The following DGKB variants were observed in gnomAD, a reference collection of about 807,000 sequenced individuals.
DGKB encodes diacylglycerol kinase beta.
DGKB carries 67 observed loss-of-function variants against 114.3 expected under a neutral mutation model. The ratio of observed to expected loss-of-function variants is 0.59; its 90% CI spans 0.48 to 0.72. DGKB has a LOEUF of 0.72. Ranked by LOEUF, DGKB falls within the 30% of genes least tolerant of loss-of-function variation. The pLI, the probability that DGKB is intolerant of heterozygous loss-of-function variation, is 0.00. For missense variants in DGKB, 907 were observed against 975.2 expected, an observed-to-expected ratio of 0.93 and a Z score of 0.93; for synonymous variants, 398 against 323.1, an observed-to-expected ratio of 1.23 and a Z score of -2.49.
At chr7:14,327,492 G>T (rs1176359716) in intron 23 of DGKB, among the ~76,000 whole-genome samples, 2 of 151,800 alleles carry the variant, frequency 1.3e-5, no homozygotes, top group Non-Finnish European at 2.9e-5. Context: ...ACTCAAAATA[G>T]CACTGTTAAT....
chr7:14,664,104 A>C (rs1817622730), intron 13 of DGKB, among the ~76,000 whole-genome samples: 1 of 152,038 alleles, frequency 6.6e-6, no homozygotes, highest in Non-Finnish European at 1.5e-5. Context: ...GATGGTTTTA[A>C]GGATAATATC....
intron 1 of DGKB, among the ~76,000 whole-genome samples, chr7:14,886,147 A>C (rs2128219935): frequency 6.6e-6 from 1 of 152,060 alleles, no homozygotes; most frequent in East Asian, 1.9e-4. Context: ...TAGTACGGGC[A>C]GAAATTGAAA....
chr7:14,439,865 C>CAAAA (rs756256822), intron 21 of DGKB, among the ~76,000 whole-genome samples: 2 of 104,056 alleles, frequency 1.9e-5, no homozygotes, highest in African/African-American at 7.3e-5. Flanking sequence ...ACTCTGTTTC[C>CAAAA]AAAAAAAAAA....
At chr7:14,224,403 C>T (rs1307711651) in intron 23 of DGKB, among the ~76,000 whole-genome samples, 3 of 151,784 alleles carry the variant, frequency 2.0e-5, no homozygotes, top group Admixed American at 2.0e-4. Flanking sequence ...TTATCATTCT[C>T]TTCTTTACTT....
chr7:14,354,842 T>C (rs1280104964), intron 21 of DGKB, among the ~76,000 whole-genome samples: 2 of 152,176 alleles, frequency 1.3e-5, no homozygotes, highest in Non-Finnish European at 2.9e-5. Flanking sequence ...TTAAGTGGTA[T>C]ATAAATTTTA....
chr7:14,887,128 AT>A (rs1421513762), intron 1 of DGKB, among the ~76,000 whole-genome samples: 1 of 151,776 alleles, frequency 6.6e-6, no homozygotes, highest in Non-Finnish European at 1.5e-5. Context: ...TGGTTATTAT[AT>A]ATGTTTTCTC....
rs1554599156 is a variant in DGKB at position 14,689,208 on chromosome 7, T to TTTTTTTTTA, written c.712-3847_712-3846insTAAAAAAAA. On this transcript the variant is annotated intron_variant, in intron 9 of 25. Transcript: ENST00000402815. ...GACAGAAACTCCTCTTATTTTTTTTTTTTTTTTTTTTTTTTTGAGAGGAGT... is the reference window on the plus strand; with the variant it reads ...GACAGAAACTCCTCTTATTTTTTTTTTTTTTTTTATTTTTTTTTTTTTTTTGAGAGGAGT... Among the ~76,000 whole-genome samples the TTTTTTTTTA allele has an allele frequency of 1.4e-3, 150 of 109,842 alleles. 3 individuals carry two copies. In the East Asian group the frequency reaches 0.016, roughly 12 times the overall value. 72.1% of individuals were successfully genotyped at this position (109,842 alleles called of 152,430 possible). A position where few individuals can be genotyped will look rare whatever the true frequency, so the allele number is the denominator to read the frequency against.
intron 21 of DGKB, among the ~76,000 whole-genome samples, chr7:14,370,260 T>A (rs1359274507): frequency 1.3e-5 from 2 of 152,184 alleles, no homozygotes; most frequent in Non-Finnish European, 2.9e-5. Flanking sequence ...TGGTTGTAGA[T>A]GTGTGGCATT....
intron 2 of DGKB, among the ~76,000 whole-genome samples, chr7:14,815,419 TG>T (rs1219106267): frequency 1.3e-5 from 2 of 152,256 alleles, no homozygotes; most frequent in Non-Finnish European, 1.5e-5. Context: ...GGATATCTTT[TG>T]GCAAATCCAT....
chr7:14,611,624 C>T (rs111303450), intron 16 of DGKB, among the ~76,000 whole-genome samples: 58 of 151,966 alleles, frequency 3.8e-4, no homozygotes, highest in African/African-American at 1.3e-3. Context: ...ACAAAACACA[C>T]GTGGATGTGT....
At chr7:14,872,717 C>T (rs969124696) in intron 1 of DGKB, among the ~76,000 whole-genome samples, 3 of 151,858 alleles carry the variant, frequency 2.0e-5, no homozygotes, top group African/African-American at 7.3e-5. Context: ...TACTCAAGGA[C>T]ACTCTTGTAG....
intron 16 of DGKB, 115 bp downstream of exon 16, chr7:14,613,225 T>G: frequency 1.6e-6 from 1 of 629,648 alleles, no homozygotes; most frequent in Middle Eastern, 4.0e-4. Flanking sequence ...CATCATTTAT[T>G]TTGCATTAAA....
intron 8 of DGKB, among the ~76,000 whole-genome samples, chr7:14,697,406 C>A (rs1441253090): frequency 6.6e-6 from 1 of 152,116 alleles, no homozygotes; most frequent in Non-Finnish European, 1.5e-5. Context: ...AAACTACCAT[C>A]TTCTTTTATG....
At chr7:14,267,636 G>A (rs1312469492) in intron 23 of DGKB, among the ~76,000 whole-genome samples, 2 of 151,834 alleles carry the variant, frequency 1.3e-5, no homozygotes, top group Non-Finnish European at 2.9e-5. Flanking sequence ...CTACAGGCAT[G>A]TGCCACCATG....
chr7:14,356,842 T>G (rs1004820009), intron 21 of DGKB, among the ~76,000 whole-genome samples: 1 of 152,228 alleles, frequency 6.6e-6, no homozygotes, highest in Non-Finnish European at 1.5e-5. Context: ...ATTTCTGCCT[T>G]CATTTTATTA....
intron 25 of DGKB, among the ~76,000 whole-genome samples, chr7:14,154,327 A>G (rs1237182975): frequency 2.0e-5 from 3 of 151,956 alleles, no homozygotes; most frequent in Non-Finnish European, 4.4e-5. Flanking sequence ...TTATAGTCTG[A>G]ATGATTATAT....
chr7:14,782,600 A>G (rs1016160821), intron 2 of DGKB, among the ~76,000 whole-genome samples: 13 of 152,288 alleles, frequency 8.5e-5, no homozygotes, highest in Admixed American at 6.5e-4. Flanking sequence ...AAGAAGACAA[A>G]TATTACACCA....
chr7:14,157,347 A>C (rs1209299440), intron 25 of DGKB, among the ~76,000 whole-genome samples: 1 of 148,924 alleles, frequency 6.7e-6, no homozygotes, highest in South Asian at 2.1e-4. Flanking sequence ...GCAATGAAAC[A>C]TAACAATTTT....
intron 21 of DGKB, among the ~76,000 whole-genome samples, chr7:14,369,280 A>G (rs1374689302): frequency 6.6e-6 from 1 of 152,082 alleles, no homozygotes; most frequent in Non-Finnish European, 1.5e-5. Context: ...ATAGTATTCC[A>G]TGGTGTATAT....
Sources: gnomAD v4.1 joint callset for allele counts (sites outside exome capture counted in the v4.1 genomes callset) on GRCh38, gnomAD v4.1.1 for gene constraint, MANE v1.5 for transcripts, NCBI Gene and HGNC (gene_info 2026-07-23, HGNC 2026-07-21) for gene names.